NKAIN3: variants seen among roughly 807,000 people sequenced by gnomAD.
NKAIN3 encodes the protein sodium/potassium-transporting ATPase subunit beta-1-interacting protein 3.
In NKAIN3, 25 loss-of-function variants were observed where a neutral mutation model predicts 30.2. That is an observed-to-expected ratio of 0.83 (90% CI 0.60 to 1.16). The LOEUF is 1.16. Ranked by LOEUF, NKAIN3 falls within the 50% of genes most tolerant of loss-of-function variation. The pLI, the probability that NKAIN3 is intolerant of heterozygous loss-of-function variation, is 0.00. For synonymous variants in NKAIN3, 91 were observed against 89.6 expected, an observed-to-expected ratio of 1.02 and a Z score of -0.09; for missense variants, 225 against 254.1, an observed-to-expected ratio of 0.89 and a Z score of 0.78.
chr8:62,687,084 A>T (rs999353019), intron 3 of NKAIN3, among the ~76,000 whole-genome samples: 2 of 152,260 alleles, frequency 1.3e-5, no homozygotes, highest in African/African-American at 4.8e-5. Flanking sequence ...GGAAGAGCAC[A>T]TCAGTTTTTA....
At chr8:62,661,023 C>CCTTT (rs1158867959) in intron 3 of NKAIN3, among the ~76,000 whole-genome samples, 1 of 152,202 alleles carries the variant, frequency 6.6e-6, no homozygotes, top group East Asian at 1.9e-4. Context: ...ATTTTTACCA[C>CCTTT]CTTTCTAGTG....
At chr8:62,902,963 A>C (rs752499842) in intron 4 of NKAIN3, among the ~76,000 whole-genome samples, 5 of 152,242 alleles carry the variant, frequency 3.3e-5, no homozygotes, top group Admixed American at 6.5e-5. Context: ...GATGTCCTCC[A>C]TGATATTGCT....
At chr8:62,855,684 T>G in intron 4 of NKAIN3, 5 of 1,602,788 alleles carry the variant, frequency 3.1e-6, no homozygotes, top group Middle Eastern at 2.3e-4. Context: ...TTCTCAAAGC[T>G]GTCACTTCTG....
intron 1 of NKAIN3, among the ~76,000 whole-genome samples, chr8:62,319,299 T>G (rs1042878350): frequency 6.6e-6 from 1 of 152,164 alleles, no homozygotes; most frequent in Non-Finnish European, 1.5e-5. Flanking sequence ...GATTCATTGA[T>G]TTTTTGAAGG....
intron 1 of NKAIN3, among the ~76,000 whole-genome samples, chr8:62,568,600 A>G (rs1444199343): frequency 6.6e-6 from 1 of 152,118 alleles, no homozygotes; most frequent in Non-Finnish European, 1.5e-5. Flanking sequence ...AAATCTGTCT[A>G]TTTGCAATGT....
chr8:62,299,599 A>T (rs1474453760), intron 1 of NKAIN3, among the ~76,000 whole-genome samples: 1 of 152,152 alleles, frequency 6.6e-6, no homozygotes, highest in Non-Finnish European at 1.5e-5. Context: ...CAAGATTTAT[A>T]TTCAAACTAG....
intron 3 of NKAIN3, among the ~76,000 whole-genome samples, chr8:62,614,547 G>A (rs1811390810): frequency 6.6e-6 from 1 of 152,100 alleles, no homozygotes; most frequent in East Asian, 1.9e-4. Context: ...TCTACAATCA[G>A]CAGGTGGCAA....
intron 1 of NKAIN3, among the ~76,000 whole-genome samples, chr8:62,281,972 T>C (rs1813210699): frequency 6.7e-6 from 1 of 150,240 alleles, no homozygotes; most frequent in Admixed American, 6.7e-5. Flanking sequence ...TCACCTAAAT[T>C]CTCTGTCCTC....
In NKAIN3 at chr8:62,822,986, G is replaced by A. The variant is rs555458465; in HGVS notation, c.471+75857G>A. ...TATGTAGATATCTAAACATAGAACA[G>A]GTACAGTAAAAATGTAGGTGGTATA... On this transcript the variant is annotated intron_variant, in intron 4 of 6. Transcript: ENST00000623646. Among the ~76,000 whole-genome samples, 26 of 152,214 alleles carry A rather than the reference G, an allele frequency of 1.7e-4. 1 individual carries two copies. The South Asian group carries it at 4.2e-3, about 24-fold the overall frequency.
intron 3 of NKAIN3, among the ~76,000 whole-genome samples, chr8:62,620,515 T>A (rs901144087): frequency 2.6e-4 from 40 of 152,250 alleles, no homozygotes; most frequent in African/African-American, 8.9e-4. Context: ...ATTTAAGAGA[T>A]GCAGGGGTAA....
At chr8:62,277,492 G>A (rs928018311) in intron 1 of NKAIN3, among the ~76,000 whole-genome samples, 4 of 152,108 alleles carry the variant, frequency 2.6e-5, no homozygotes, top group African/African-American at 9.7e-5. Flanking sequence ...CTTTGGTGGT[G>A]ACTGACGTCT....
In NKAIN3 at chr8:62,990,303, G is replaced by A. The variant is rs1824295220; in HGVS notation, c.533-8928G>A. ...TCATGTGCTTCCTAAGAACTGAGGT[G>A]ATGCATTATTTTAGAGTGTCATTCT... On this transcript the variant is annotated intron_variant, in intron 5 of 5. Transcript: ENST00000519049. The A allele has an allele frequency of 3.5e-6, 5 of 1,420,560 alleles. No homozygotes were observed. The South Asian group carries it at 8.3e-5, about 24-fold the overall frequency. 88.0% of individuals were successfully genotyped at this position (1,420,560 alleles called of 1,614,324 possible). A position where few individuals can be genotyped will look rare whatever the true frequency, so the allele number is the denominator to read the frequency against.
At chr8:62,288,999 T>G (rs958103580) in intron 1 of NKAIN3, among the ~76,000 whole-genome samples, 1 of 152,236 alleles carries the variant, frequency 6.6e-6, no homozygotes, top group African/African-American at 2.4e-5. Flanking sequence ...CCAGTGATGA[T>G]GAGCATTTTT....
intron 3 of NKAIN3, among the ~76,000 whole-genome samples, chr8:62,665,901 G>A (rs537755696): frequency 1.2e-4 from 18 of 152,210 alleles, no homozygotes; most frequent in Non-Finnish European, 1.9e-4. Flanking sequence ...GATTTTCTAC[G>A]GAAATTATGT....
At chr8:62,955,195 C>T (rs1452719167) in intron 6 of NKAIN3, among the ~76,000 whole-genome samples, 12 of 152,092 alleles carry the variant, frequency 7.9e-5, no homozygotes, top group Admixed American at 6.6e-4. Context: ...TCACAGGAAA[C>T]ACAAATCAGC....
At chr8:62,880,479 A>G (rs1304578473) in intron 4 of NKAIN3, among the ~76,000 whole-genome samples, 4 of 152,210 alleles carry the variant, frequency 2.6e-5, no homozygotes, top group Non-Finnish European at 5.9e-5. Context: ...ACTTAGCATG[A>G]AGTGAAGGGG....
intron 4 of NKAIN3, among the ~76,000 whole-genome samples, chr8:62,911,006 A>G (rs1821910139): frequency 6.6e-6 from 1 of 152,150 alleles, no homozygotes; most frequent in African/African-American, 2.4e-5. Context: ...ATATTAGAAA[A>G]CACCAAAATA....
intron 3 of NKAIN3, among the ~76,000 whole-genome samples, chr8:62,712,501 G>T (rs534203586): frequency 6.6e-6 from 1 of 152,188 alleles, no homozygotes; most frequent in South Asian, 2.1e-4. Flanking sequence ...AGTCATGCAG[G>T]TTATCAGGGA....
At chr8:62,376,750 C>T (rs898721224) in intron 1 of NKAIN3, among the ~76,000 whole-genome samples, 23 of 152,142 alleles carry the variant, frequency 1.5e-4, no homozygotes, top group African/African-American at 5.3e-4. Context: ...AATATATTTA[C>T]ACTCTATTAT....
Sources: gnomAD v4.1 joint callset for allele counts (sites outside exome capture counted in the v4.1 genomes callset) on GRCh38, gnomAD v4.1.1 for gene constraint, MANE v1.5 for transcripts, NCBI Gene and HGNC (gene_info 2026-07-23, HGNC 2026-07-21) for gene names.